The following KCTD10 variants were observed in gnomAD, a reference collection of about 807,000 sequenced individuals.
The protein encoded by KCTD10 is BTB/POZ domain-containing adapter for CUL3-mediated RhoA degradation protein 3.
A neutral mutation model predicts 34.6 loss-of-function variants in KCTD10; 13 were observed. That is an observed-to-expected ratio of 0.38 (90% CI 0.24 to 0.60). The LOEUF (loss-of-function observed/expected upper bound fraction) is 0.60. Among genes scored for constraint, KCTD10 ranks in the 20% least tolerant of loss-of-function variants. KCTD10 has a pLI of 0.66. For synonymous variants in KCTD10, 156 were observed against 168.8 expected, an observed-to-expected ratio of 0.92 and a Z score of 0.59; for missense variants, 256 against 420.3, an observed-to-expected ratio of 0.61 and a Z score of 3.42.
intron 4 of KCTD10, 85 bp downstream of exon 4, chr12:109,457,907 C>T (rs2135649100): frequency 1.6e-6 from 2 of 1,228,434 alleles, no homozygotes; most frequent in Non-Finnish European, 2.4e-6. Context: ...GGCAATTATA[C>T]ATGTTTTTAT....
Position 109,460,451 on chromosome 12 carries a change from G to A in KCTD10, c.387+185C>T. 1 of 599,816 alleles carries A rather than the reference G, an allele frequency of 1.7e-6. No individual in the cohort carries two copies. The highest frequency in any genetic ancestry group is 2.8e-5 in the East Asian group (1 of 35,136). The allele number at this position is 599,816 out of a possible 1,614,324, so 37.2% of individuals were successfully genotyped here. Reference sequence around the variant, plus strand: ...GAGTGACACAGTAGTTAGGTGGCCTGCTGTTCCAGGGAGGCCTCTCAGGGG... The same window carrying A: ...GAGTGACACAGTAGTTAGGTGGCCTACTGTTCCAGGGAGGCCTCTCAGGGG... On this transcript the variant is annotated intron_variant, in intron 3 of 6. Coordinates refer to ENST00000228495, the MANE Select transcript of KCTD10 (RefSeq NM_031954.5). The surrounding 1 kb of genome is among the most constrained non-coding windows in gnomAD (Gnocchi z 4.5).
chr12:109,466,513 C>T (rs918106), intron 2 of KCTD10, among the ~76,000 whole-genome samples: 86,983 of 152,090 alleles, frequency 0.57, 25,869 homozygotes, highest in African/African-American at 0.73. Context: ...CAGAGCTCCA[C>T]AAATGTCGGC....
chr12:109,476,401 T>C (rs1006051981), intron 1 of KCTD10, among the ~76,000 whole-genome samples: 1 of 152,052 alleles, frequency 6.6e-6, no homozygotes, highest in African/African-American at 2.4e-5. Context: ...AGCAAGCAAG[T>C]AGAAAGAAGA....
rs1214019515 is a variant in KCTD10 at position 109,451,497 on chromosome 12, A to G, written c.*98T>C. Reference sequence around the variant, plus strand: ...GTTACAAAAGTATCTCCAGGCTCCAAGGGAAGCAGAAGGGGCCCGGCAGCC... The same window carrying G: ...GTTACAAAAGTATCTCCAGGCTCCAGGGGAAGCAGAAGGGGCCCGGCAGCC... On this transcript the variant is annotated 3_prime_UTR_variant, in exon 7 of 7. Transcript: ENST00000228495. This position sits in a 1 kb window ranked among gnomAD's most constrained non-coding sequence, Gnocchi z 5.0. 2 of 1,145,336 alleles carry G rather than the reference A, an allele frequency of 1.7e-6. No individual in the cohort carries two copies. The highest frequency in any genetic ancestry group is 1.5e-5 in the South Asian group (1 of 65,310). The allele number at this position is 1,145,336 out of a possible 1,614,324, so 70.9% of individuals were successfully genotyped here. A position where few individuals can be genotyped will look rare whatever the true frequency, so the allele number is the denominator to read the frequency against.
chr12:109,454,214 T>A (rs1247111467), intron 6 of KCTD10, among the ~76,000 whole-genome samples: 1 of 152,222 alleles, frequency 6.6e-6, no homozygotes, highest in Non-Finnish European at 1.5e-5. Flanking sequence ...CACAAGGTTT[T>A]GGAATTACCT....
chr12:109,462,757 A>G (rs1337829704), intron 2 of KCTD10, among the ~76,000 whole-genome samples: 2 of 152,204 alleles, frequency 1.3e-5, no homozygotes, highest in African/African-American at 2.4e-5. Flanking sequence ...CCAGAAACCC[A>G]GATTTTTCTG....
At chr12:109,466,448 C>T (rs1873591994) in intron 2 of KCTD10, among the ~76,000 whole-genome samples, 1 of 152,206 alleles carries the variant, frequency 6.6e-6, no homozygotes, top group Admixed American at 6.5e-5. Flanking sequence ...GCCACTTGTC[C>T]AATGTCACAT....
Position 109,457,561 on chromosome 12 carries a change from C to G in KCTD10, c.527+69G>C. 2.2e-6 allele frequency: 3 copies of G among 1,376,260 alleles called. No homozygotes were observed. The South Asian group carries it at 3.5e-5, about 16-fold the overall frequency. The allele number at this position is 1,376,260 out of a possible 1,614,324, so 85.3% of individuals were successfully genotyped here. A position where few individuals can be genotyped will look rare whatever the true frequency, so the allele number is the denominator to read the frequency against. On this transcript the variant is annotated intron_variant, in intron 5 of 6. Transcript: ENST00000228495. ...CCTCATCTGAAGGTACGAAGAAGAG[C>G]TGGGCCTGGCTGGTGTGAGTGGAGG...
Position 109,460,690 on chromosome 12 carries a change from T to C in KCTD10, c.333A>G (p.Glu111=), listed in dbSNP as rs372312574. ...SRREIEELLA[E]AKYYLVQGLV... ...GGCCTTGGACTAGGTAGTACTTGGC[T>C]TCTGCTAGCAGCTCCTCGATCTCCC... The change falls in exon 3 of 7, where the codon GAA becomes GAG. Residue 111 remains glutamate, a synonymous_variant. Coordinates refer to ENST00000228495, the MANE Select transcript of KCTD10 (RefSeq NM_031954.5). This position sits in a 1 kb window ranked among gnomAD's most constrained non-coding sequence, Gnocchi z 4.5. The C allele has an allele frequency of 2.9e-5, 47 of 1,614,046 alleles. No homozygotes were observed. The African/African-American group carries it at 6.3e-4, about 22-fold the overall frequency.
chr12:109,468,051 C>CG (rs539369431), intron 2 of KCTD10, among the ~76,000 whole-genome samples: 17 of 152,166 alleles, frequency 1.1e-4, no homozygotes, highest in Non-Finnish European at 2.1e-4. Context: ...CCTCCAGCAG[C>CG]GGGGGTGCTA....
intron 1 of KCTD10, chr12:109,470,538 GA>G (rs1592847833): frequency 1.0e-6 from 1 of 985,322 alleles, no homozygotes; most frequent in East Asian, 1.1e-4. Context: ...AAACATGTCT[GA>G]AATGAACAGG....
chr12:109,472,895 TTAAGTG>T (rs1325446511), intron 1 of KCTD10, among the ~76,000 whole-genome samples: 2 of 152,246 alleles, frequency 1.3e-5, no homozygotes, highest in African/African-American at 4.8e-5. Context: ...GAAGTATACT[TTAAGTG>T]TACAGTTTGA....
intron 2 of KCTD10, among the ~76,000 whole-genome samples, chr12:109,462,512 C>T (rs1332224353): frequency 6.6e-6 from 1 of 152,240 alleles, no homozygotes; most frequent in African/African-American, 2.4e-5. Flanking sequence ...TGATCCCACC[C>T]CACTTCTTTC....
In KCTD10 at chr12:109,450,913, A is replaced by G. The variant is rs16940237; in HGVS notation, c.*682T>C. The G allele has an allele frequency of 0.012, 1,867 of 152,792 alleles. 29 individuals are homozygous for G. Among genetic ancestry groups the G allele is most frequent in the African/African-American group, 0.038 (1,561 of 41,558 alleles). 9.5% of individuals were successfully genotyped at this position (152,792 alleles called of 1,614,324 possible). On this transcript the variant is annotated 3_prime_UTR_variant, in exon 7 of 7. Transcript: ENST00000228495. ...GCCAAAGACCAGCCCAAGGTGGCAA[A>G]AGGCTTGATCCCTAAACAAAGCCTT...
Position 109,456,286 on chromosome 12 carries a change from G to A in KCTD10, c.555C>T (p.Asn185=). 1 of 1,614,098 alleles carries A rather than the reference G, an allele frequency of 6.2e-7. No individual in the cohort carries two copies. Among genetic ancestry groups the A allele is most frequent in the Non-Finnish European group, 8.5e-7 (1 of 1,180,038 alleles). Residue 185 remains asparagine, a synonymous_variant, in exon 6 of 7, where the codon AAC becomes AAT. Transcript: ENST00000228495. ...TSNSDDNMLK[N]IELFDKLSLR... ...GAGACAGCTTATCAAACAGTTCAATGTTTTTCAACATATTGTCGTCAGAAT... is the reference window on the plus strand; with the variant it reads ...GAGACAGCTTATCAAACAGTTCAATATTTTTCAACATATTGTCGTCAGAAT...
rs1874412242 is a variant in KCTD10 at position 109,477,160 on chromosome 12, C to A, written c.3+100G>T. On this transcript the variant is annotated intron_variant, in intron 1 of 6. Coordinates refer to ENST00000228495, the MANE Select transcript of KCTD10 (RefSeq NM_031954.5). ...TGCCTCTCCACTATCGTGACTGCCC[C>A]TCATCACACCCCCTCCTCTCGGTCC... The A allele has an allele frequency of 4.1e-6, 6 of 1,478,834 alleles. No individual in the cohort carries two copies. The Admixed American group carries it at 1.1e-4, about 28-fold the overall frequency. The allele number at this position is 1,478,834 out of a possible 1,614,324, so 91.6% of individuals were successfully genotyped here.
chr12:109,474,459 G>A (rs188722785), intron 1 of KCTD10, among the ~76,000 whole-genome samples: 2 of 152,112 alleles, frequency 1.3e-5, no homozygotes, highest in East Asian at 1.9e-4. Context: ...GGTGACAATC[G>A]AAATCAGCTG....
rs1872756768 is a variant in KCTD10 at position 109,451,346 on chromosome 12, A to G, written c.*249T>C. On this transcript the variant is annotated 3_prime_UTR_variant, in exon 7 of 7. Coordinates refer to ENST00000228495, the MANE Select transcript of KCTD10 (RefSeq NM_031954.5). The surrounding 1 kb of genome is among the most constrained non-coding windows in gnomAD (Gnocchi z 5.0). ...TGAGAACCGAGAAAGCCTGGCTCCA[A>G]AGAGTCTCAGATTCTCATGAAAAGT... The G allele has an allele frequency of 2.1e-6, 1 of 476,390 alleles. No individual in the cohort carries two copies. The highest frequency in any genetic ancestry group is 3.4e-5 in the East Asian group (1 of 29,324). The allele number at this position is 476,390 out of a possible 1,614,324, so 29.5% of individuals were successfully genotyped here.
intron 1 of KCTD10, among the ~76,000 whole-genome samples, chr12:109,473,911 A>G (rs1456065010): frequency 6.6e-6 from 1 of 151,826 alleles, no homozygotes. Flanking sequence ...CCTCCCGAGT[A>G]GCTGGGATTA....
Sources: allele counts gnomAD v4.1 joint callset (sites outside exome capture counted in the v4.1 genomes callset), GRCh38; gene constraint gnomAD v4.1.1; non-coding constraint Gnocchi (gnomAD v3.1); transcripts MANE v1.5; gene names NCBI Gene and HGNC (gene_info 2026-07-23, HGNC 2026-07-21).